The following SMAD4 variants were observed in gnomAD, a reference collection of about 807,000 sequenced individuals.
The protein encoded by SMAD4 is SMAD family member 4.
SMAD4 carries 7 observed loss-of-function variants against 63.2 expected under a neutral mutation model. The observed-to-expected ratio is 0.11, with a 90% CI of 0.06 to 0.21. The LOEUF is 0.21. Ranked by LOEUF, SMAD4 falls within the 10% of genes least tolerant of loss-of-function variation. SMAD4 has a pLI of 1.00. For missense variants in SMAD4, 312 were observed against 693.8 expected (o/e 0.45, Z 6.18); for synonymous variants, 215 against 235.4 (o/e 0.91, Z 0.79).
intron 1 of SMAD4, among the ~76,000 whole-genome samples, chr18:51,041,675 A>G (rs1909388003): frequency 6.6e-6 from 1 of 152,206 alleles, no homozygotes; most frequent in Admixed American, 6.5e-5. Flanking sequence ...GTAGCCTTTA[A>G]AAGAAGATAT....
chr18:51,041,642 C>T (rs1909386662), intron 1 of SMAD4, among the ~76,000 whole-genome samples: 4 of 152,256 alleles, frequency 2.6e-5, no homozygotes, highest in South Asian at 2.1e-4. Context: ...ATGACTTTGG[C>T]CAGTCAAACA....
At chr18:51,051,395 A>G (rs1016552148) in intron 4 of SMAD4, 1 of 456,128 alleles carries the variant, frequency 2.2e-6, no homozygotes, top group African/African-American at 2.0e-5. Flanking sequence ...AGATTTGGAC[A>G]AAGGAATGAT....
intron 9 of SMAD4, among the ~76,000 whole-genome samples, chr18:51,066,520 C>T (rs1162558043): frequency 6.6e-6 from 1 of 152,152 alleles, no homozygotes; most frequent in Admixed American, 6.5e-5. Context: ...TACCTAACCT[C>T]TAAGCCATTC....
intron 1 of SMAD4, chr18:51,044,924 G>A (rs760177591): frequency 1.3e-5 from 2 of 152,232 alleles, no homozygotes; most frequent in Non-Finnish European, 2.9e-5. Context: ...CCTTCAGCAT[G>A]TGTATTAATG....
At chr18:51,070,140 A>G (rs1471446690) in intron 10 of SMAD4, among the ~76,000 whole-genome samples, 1 of 152,264 alleles carries the variant, frequency 6.6e-6, no homozygotes, top group Non-Finnish European at 1.5e-5. Context: ...GTGACTGGAT[A>G]GAGAACTATG....
In SMAD4 at chr18:51,074,212, CAAAAAAA is replaced by C. The variant is rs533055652; in HGVS notation, c.1309-2413_1309-2407del. Among the ~76,000 whole-genome samples, 8 of 88,114 alleles carry C rather than the reference CAAAAAAA, an allele frequency of 9.1e-5. No individual in the cohort carries two copies. The East Asian group carries it at 1.5e-3, about 17-fold the overall frequency. The allele number at this position is 88,114 out of a possible 152,430, so 57.8% of individuals were successfully genotyped here. Reference sequence around the variant, plus strand: ...GGCAACAGCAAGACCTCATCTCTACCAAAAAAAAAAAAAAAAAAATTAGCCAGGCATG... The same window carrying C: ...GGCAACAGCAAGACCTCATCTCTACCAAAAAAAAAAAATTAGCCAGGCATG... On this transcript the variant is annotated intron_variant, in intron 10 of 11. Coordinates refer to ENST00000342988, the MANE Select transcript of SMAD4 (RefSeq NM_005359.6).
chr18:51,046,834 C>T, intron 1 of SMAD4, 86 bp from the exon 2 acceptor site: 1 of 532,630 alleles, frequency 1.9e-6, no homozygotes. Context: ...CTGACTTAAC[C>T]AGAGCAATTT....
At chr18:51,077,812 G>C (rs1405135821) in intron 11 of SMAD4, among the ~76,000 whole-genome samples, 2 of 151,994 alleles carry the variant, frequency 1.3e-5, no homozygotes, top group Non-Finnish European at 2.9e-5. Context: ...ACTTCATCTC[G>C]GTCATCTAAG....
chr18:51,053,449 T>C (rs2144415162), intron 4 of SMAD4: 1 of 152,312 alleles, frequency 6.6e-6, no homozygotes, highest in South Asian at 2.1e-4. Flanking sequence ...GTGGTTGTGT[T>C]CAGTTTTTTT....
rs1396845416 is a variant in SMAD4 at position 51,076,536 on chromosome 18, A to C, written c.1309-102A>C. On this transcript the variant is annotated intron_variant, in intron 10 of 11. Coordinates refer to ENST00000342988, the MANE Select transcript of SMAD4 (RefSeq NM_005359.6). Reference sequence around the variant, plus strand: ...TGTTTTAATTAATTCTTTTCATGTGAGAGGTATAATGAAACTGAGTTTTAA... The same window carrying C: ...TGTTTTAATTAATTCTTTTCATGTGCGAGGTATAATGAAACTGAGTTTTAA... The C allele has an allele frequency of 4.3e-6, 4 of 932,708 alleles. No individual in the cohort carries two copies. The East Asian group carries it at 1.0e-4, about 24-fold the overall frequency. The allele number at this position is 932,708 out of a possible 1,614,324, so 57.8% of individuals were successfully genotyped here.
intron 1 of SMAD4, among the ~76,000 whole-genome samples, chr18:51,039,408 G>T (rs1424378359): frequency 6.6e-6 from 1 of 152,010 alleles, no homozygotes; most frequent in East Asian, 1.9e-4. Context: ...TCTTGACTTT[G>T]CTTTCTTTCT....
intron 8 of SMAD4, among the ~76,000 whole-genome samples, chr18:51,064,946 A>G (rs1409705687): frequency 6.6e-6 from 1 of 152,224 alleles, no homozygotes; most frequent in Admixed American, 6.5e-5. Context: ...AGTCGATGTT[A>G]TTCAAGGACA....
chr18:51,068,543 G>A (rs1189085851), intron 10 of SMAD4, among the ~76,000 whole-genome samples: 1 of 152,140 alleles, frequency 6.6e-6, no homozygotes, highest in African/African-American at 2.4e-5. Context: ...ATCAGTTATA[G>A]TCTGTTAGAA....
chr18:51,056,065 A>C (rs1449881850), intron 5 of SMAD4, among the ~76,000 whole-genome samples: 1 of 152,196 alleles, frequency 6.6e-6, no homozygotes, highest in Admixed American at 6.5e-5. Flanking sequence ...GCATATTCTA[A>C]ATGGGTCATA....
chr18:51,051,530 C>T, intron 4 of SMAD4: 1 of 392,960 alleles, frequency 2.5e-6, no homozygotes, highest in Non-Finnish European at 5.0e-6. Flanking sequence ...CCACGTTGAC[C>T]TGTGTATTCA....
rs1910523007 is a variant in SMAD4 at position 51,078,357 on chromosome 18, A to G, written c.1549A>G (p.Ser517Gly). The G allele has an allele frequency of 6.2e-7, 1 of 1,614,230 alleles. No individual in the cohort carries two copies. The highest frequency in any genetic ancestry group is 2.2e-5 in the East Asian group (1 of 44,892). Residue 517 changes from serine to glycine, a missense_variant, in exon 12 of 12, where the codon AGC becomes GGC. This residue lies in a region of SMAD4 where 92 missense variants were observed against 305.9 expected (regional missense o/e 0.30). Coordinates refer to ENST00000342988, the MANE Select transcript of SMAD4 (RefSeq NM_005359.6). Reference sequence around the variant, plus strand: ...CTGGGGACCGGATTACCCAAGACAGAGCATCAAAGAAACACCTTGCTGGAT... The same window carrying G: ...CTGGGGACCGGATTACCCAAGACAGGGCATCAAAGAAACACCTTGCTGGAT... ...KGWGPDYPRQ[S>G]IKETPCWIEI...
At chr18:51,070,025 T>G (rs1237319730) in intron 10 of SMAD4, among the ~76,000 whole-genome samples, 1 of 152,222 alleles carries the variant, frequency 6.6e-6, no homozygotes, top group Non-Finnish European at 1.5e-5. Context: ...TTAAATAGTT[T>G]TTCTGTTATT....
chr18:51,030,991 G>A (rs1051064957), intron 1 of SMAD4, among the ~76,000 whole-genome samples: 1 of 152,196 alleles, frequency 6.6e-6, no homozygotes, highest in Non-Finnish European at 1.5e-5. Context: ...TAGGGTCTAA[G>A]TGAAAGTTGT....
chr18:51,076,807 TA>T, intron 11 of SMAD4, 31 bp downstream of exon 11: 8 of 1,496,848 alleles, frequency 5.3e-6, no homozygotes, highest in Non-Finnish European at 7.3e-6. Context: ...TTTTTAAAGG[TA>T]TAATAGTTGA....
Sources: allele counts gnomAD v4.1 joint callset (sites outside exome capture counted in the v4.1 genomes callset), GRCh38; gene constraint gnomAD v4.1.1; regional missense constraint gnomAD v4.1.1; transcripts MANE v1.5; gene names NCBI Gene and HGNC (gene_info 2026-07-23, HGNC 2026-07-21).